Variants in PCDHGB5 observed in about 807,000 individuals in gnomAD.
PCDHGB5 encodes protocadherin gamma-B5.
In PCDHGB5, 48 loss-of-function variants were observed where a neutral mutation model predicts 62.9. That is an observed-to-expected ratio of 0.76 (90% CI 0.61 to 0.97). The LOEUF (loss-of-function observed/expected upper bound fraction) is 0.97. Among genes scored for constraint, PCDHGB5 ranks in the 50% least tolerant of loss-of-function variants. The pLI is 0.00. For missense variants in PCDHGB5, 1,118 were observed against 1,198.6 expected (o/e 0.93, Z 0.99); for synonymous variants, 474 against 511.2 (o/e 0.93, Z 0.98).
chr5:141,505,794 G>A (rs1423502957), intron 3 of PCDHGB5, among the ~76,000 whole-genome samples: 1 of 152,142 alleles, frequency 6.6e-6, no homozygotes, highest in East Asian at 1.9e-4. Context: ...CTATCCTTGG[G>A]ACTTGGATCG....
At chr5:141,403,616 C>G (rs2094434764) in intron 1 of PCDHGB5, 11 of 1,613,892 alleles carry the variant, frequency 6.8e-6, no homozygotes, top group Non-Finnish European at 9.3e-6. Flanking sequence ...CGAGCCGCGT[C>G]GCTCCAGCAC....
At chr5:141,416,913 G>C (rs2096067624) in intron 1 of PCDHGB5, 1 of 151,920 alleles carries the variant, frequency 6.6e-6, no homozygotes, top group South Asian at 2.1e-4. Context: ...ACACTCTTTA[G>C]GGTCATAGTT....
At chr5:141,422,690 T>C (rs1384522137) in intron 1 of PCDHGB5, 1 of 1,603,790 alleles carries the variant, frequency 6.2e-7, no homozygotes, top group African/African-American at 1.3e-5. Flanking sequence ...AATGCCCTGG[T>C]CACTTACTCT....
At chr5:141,443,317 C>CA (rs35054295) in intron 1 of PCDHGB5, among the ~76,000 whole-genome samples, 76,100 of 141,790 alleles carry the variant, frequency 0.54, 21,234 homozygotes, top group African/African-American at 0.75. Flanking sequence ...CCCATCTCTA[C>CA]AAAAAAAAAA....
chr5:141,486,170 C>T lies in PCDHGB5; in HGVS notation c.2398-8637C>T, dbSNP rs759946548. The stretch of plus-strand genomic sequence containing the variant: ...TGGGGGTTCTCCAGCCATGGAGCAA[C>T]ATTGCAGCCTTCGAGTGGATCTGCT... On this transcript the variant is annotated intron_variant, in intron 1 of 3. Coordinates refer to ENST00000617380, the MANE Select transcript of PCDHGB5 (RefSeq NM_018925.3). This position sits in a 1 kb window ranked among gnomAD's most constrained non-coding sequence, Gnocchi z 5.0. The T allele has an allele frequency of 1.5e-5, 24 of 1,614,116 alleles. No individual in the cohort carries two copies. Among genetic ancestry groups the T allele is most frequent in the South Asian group, 4.4e-5 (4 of 91,090 alleles).
At chr5:141,406,185 A>G (rs1204342088) in intron 1 of PCDHGB5, among the ~76,000 whole-genome samples, 1 of 150,712 alleles carries the variant, frequency 6.6e-6, no homozygotes, top group Non-Finnish European at 1.5e-5. Flanking sequence ...CAATCCTCCC[A>G]CCTCAGCCTT....
chr5:141,510,798 A>G, intron 3 of PCDHGB5, 149 bp from the exon 4 acceptor site: 1 of 1,474,326 alleles, frequency 6.8e-7, no homozygotes, highest in South Asian at 1.3e-5. Context: ...GTGAAGAGAG[A>G]CTACCTTGGT....
rs2099425622 is a variant in PCDHGB5, at chr5:141,477,947, T to C, written c.2398-16860T>C. Reference sequence around the variant, plus strand: ...CAATGCCTGGCTCTCCTACAGTCTCTTGGGATCCCCTAACCAGAGCCTTTT... The same window carrying C: ...CAATGCCTGGCTCTCCTACAGTCTCCTGGGATCCCCTAACCAGAGCCTTTT... On this transcript the variant is annotated intron_variant, in intron 1 of 3. Coordinates refer to ENST00000617380, the MANE Select transcript of PCDHGB5 (RefSeq NM_018925.3). The surrounding 1 kb of genome is among the most constrained non-coding windows in gnomAD (Gnocchi z 4.9). 1.9e-6 allele frequency: 3 copies of C among 1,614,132 alleles called. No homozygotes were observed. Among genetic ancestry groups the C allele is most frequent in the Non-Finnish European group, 2.5e-6 (3 of 1,180,018 alleles).
In PCDHGB5 at chr5:141,475,977, A is replaced by G. The variant is rs369460464; in HGVS notation, c.2398-18830A>G. The stretch of plus-strand genomic sequence containing the variant: ...CCCCGGGATGAGGCAGAGACTGAAC[A>G]GCCGGCGAGCAAATCAACGGCATCC... On this transcript the variant is annotated intron_variant, in intron 1 of 3. Transcript: ENST00000617380. The G allele has an allele frequency of 2.2e-5, 21 of 972,826 alleles. No individual in the cohort carries two copies. The South Asian group carries it at 2.8e-4, about 13-fold the overall frequency. 60.3% of individuals were successfully genotyped at this position (972,826 alleles called of 1,614,324 possible).
chr5:141,486,498 T>C lies in PCDHGB5; in HGVS notation c.2398-8309T>C, dbSNP rs755907391. On this transcript the variant is annotated intron_variant, in intron 1 of 3. Coordinates refer to ENST00000617380, the MANE Select transcript of PCDHGB5 (RefSeq NM_018925.3). The surrounding 1 kb of genome is among the most constrained non-coding windows in gnomAD (Gnocchi z 5.0). The stretch of plus-strand genomic sequence containing the variant: ...CCTCTCAGTACCCACAGAACTATTT[T>C]CCTCAATATTTCAGATGTGAATGAT... 6.2e-7 allele frequency: 1 copy of C among 1,614,030 alleles called. No individual in the cohort carries two copies. The highest frequency in any genetic ancestry group is 8.5e-7 in the Non-Finnish European group (1 of 1,179,874).
In PCDHGB5 at chr5:141,489,984, T is replaced by C; in HGVS notation, c.2398-4823T>C. The C allele has an allele frequency of 1.2e-6, 2 of 1,614,212 alleles. No homozygotes were observed. Among genetic ancestry groups the C allele is most frequent in the South Asian group, 1.1e-5 (1 of 91,090 alleles). ...CAACCTTCCAATCCTCAGTTCTACG[T>C]GTGGGAATCCCAGAGAATGCACCCA... On this transcript the variant is annotated intron_variant, in intron 1 of 3. Transcript: ENST00000617380. The surrounding 1 kb of genome is among the most constrained non-coding windows in gnomAD (Gnocchi z 4.5).
At chr5:141,440,093 GA>G (rs2098151022) in intron 1 of PCDHGB5, 1 of 152,302 alleles carries the variant, frequency 6.6e-6, no homozygotes, top group Non-Finnish European at 1.5e-5. Context: ...TCTAAGTGGG[GA>G]AAGTGGAGAC....
At chr5:141,413,980 A>C in intron 1 of PCDHGB5, 12 of 1,613,530 alleles carry the variant, frequency 7.4e-6, no homozygotes, top group Non-Finnish European at 1.0e-5. Flanking sequence ...GCTGACAGTC[A>C]CAGCCACCGA....
At chr5:141,500,446 T>C (rs2099800320) in intron 2 of PCDHGB5, among the ~76,000 whole-genome samples, 1 of 152,002 alleles carries the variant, frequency 6.6e-6, no homozygotes, top group South Asian at 2.1e-4. Context: ...CCTGACCTCG[T>C]GATCCGCCCG....
chr5:141,419,140 G>C, intron 1 of PCDHGB5: 1 of 1,613,868 alleles, frequency 6.2e-7, no homozygotes, highest in Non-Finnish European at 8.5e-7. Flanking sequence ...CCACAGACAG[G>C]GGCAAGCCTC....
intron 1 of PCDHGB5, among the ~76,000 whole-genome samples, chr5:141,483,373 G>A (rs1410856257): frequency 6.6e-6 from 1 of 152,166 alleles, no homozygotes; most frequent in Admixed American, 6.5e-5. Flanking sequence ...TGCAATATTT[G>A]AAGAGAAGAT....
At chr5:141,414,623 C>T (rs998923536) in intron 1 of PCDHGB5, 2 of 1,613,820 alleles carry the variant, frequency 1.2e-6, no homozygotes, top group African/African-American at 1.3e-5. Flanking sequence ...GCGCTGGACC[C>T]GGACAGCAAA....
In PCDHGB5 at chr5:141,485,865, C is replaced by T. The variant is rs1214425261; in HGVS notation, c.2398-8942C>T. The stretch of plus-strand genomic sequence containing the variant: ...TCTGGCACCGCAGAGCTCCGGGTAT[C>T]CGTGCTGGACGTAAACGACAACGCC... On this transcript the variant is annotated intron_variant, in intron 1 of 3. Transcript: ENST00000617380. The surrounding 1 kb of genome is among the most constrained non-coding windows in gnomAD (Gnocchi z 5.7). 23 of 1,614,182 alleles carry T rather than the reference C, an allele frequency of 1.4e-5. No homozygotes were observed. Among genetic ancestry groups the T allele is most frequent in the Non-Finnish European group, 1.8e-5 (21 of 1,180,034 alleles).
At chr5:141,474,871 A>G (rs894657981) in intron 1 of PCDHGB5, among the ~76,000 whole-genome samples, 5 of 152,236 alleles carry the variant, frequency 3.3e-5, no homozygotes, top group African/African-American at 1.2e-4. Context: ...ATAGGATAGG[A>G]GCAGGAACTC....
Sources: gnomAD v4.1 joint callset for allele counts (sites outside exome capture counted in the v4.1 genomes callset) on GRCh38, gnomAD v4.1.1 for gene constraint, Gnocchi (gnomAD v3.1) non-coding constraint, MANE v1.5 for transcripts, NCBI Gene and HGNC (gene_info 2026-07-23, HGNC 2026-07-21) for gene names.